Variants in RPS6KA2 observed in about 807,000 individuals in gnomAD.
The protein encoded by RPS6KA2 is ribosomal protein S6 kinase A2, also known as ribosomal protein S6 kinase alpha-2.
A neutral mutation model predicts 91.8 loss-of-function variants in RPS6KA2; 42 were observed. The observed-to-expected ratio is 0.46, with a 90% CI of 0.36 to 0.59. RPS6KA2 has a LOEUF of 0.59. Ranked by LOEUF, RPS6KA2 falls within the 20% of genes least tolerant of loss-of-function variation. The pLI is 0.00. For missense variants in RPS6KA2, 798 were observed against 978.5 expected, an observed-to-expected ratio of 0.82 and a Z score of 2.46; for synonymous variants, 414 against 393.6, an observed-to-expected ratio of 1.05 and a Z score of -0.61.
rs566380547 is a variant in RPS6KA2 at position 166,665,416 on chromosome 6, T to TGCA, written c.124-126635_124-126633dup. Among the ~76,000 whole-genome samples the TGCA allele has an allele frequency of 3.5e-3, 529 of 152,250 alleles. No individual in the cohort carries two copies. The highest frequency in any genetic ancestry group is 5.8e-3 in the South Asian group (28 of 4,826). ...TGTCACCCAAACCCAAAGAAGGGTTTGCAGCAGCAGCTGCACAAAGCTGCT... is the reference window on the plus strand; with the variant it reads ...TGTCACCCAAACCCAAAGAAGGGTTTGCAGCAGCAGCAGCTGCACAAAGCTGCT... On this transcript the variant is annotated intron_variant, in intron 2 of 21. Coordinates refer to the RPS6KA2 transcript ENST00000503859. This position sits in a 1 kb window ranked among gnomAD's most constrained non-coding sequence, Gnocchi z 4.5.
intron 10 of RPS6KA2, among the ~76,000 whole-genome samples, chr6:166,479,006 CT>C (rs2128468889): frequency 6.6e-6 from 1 of 152,350 alleles, no homozygotes; most frequent in East Asian, 1.9e-4. Flanking sequence ...CTTCACTTTG[CT>C]TCTGTGCCCT....
intron 2 of RPS6KA2, among the ~76,000 whole-genome samples, chr6:166,831,298 C>A (rs917174778): frequency 6.6e-6 from 1 of 152,144 alleles, no homozygotes. Flanking sequence ...ACCAGGGATC[C>A]CTTCTCAGAT....
intron 11 of RPS6KA2, among the ~76,000 whole-genome samples, chr6:166,465,616 C>T (rs75221338): frequency 0.023 from 3,543 of 152,328 alleles, 142 homozygotes; most frequent in African/African-American, 0.08. Flanking sequence ...GCCTACACAT[C>T]TTTGCTGGAA....
rs1430489807 is a variant in RPS6KA2 at position 166,770,207 on chromosome 6, G to A, written c.123+87993C>T. 6.6e-6 allele frequency among the ~76,000 whole-genome samples: 1 copy of A among 152,174 alleles called. No homozygotes were observed. Among genetic ancestry groups the A allele is most frequent in the Non-Finnish European group, 1.5e-5 (1 of 68,040 alleles). ...CCGACTTACTACATTTCACCTGAGTGTTGCAGCCCAAAGCATTGAAAACAG... is the reference window on the plus strand; with the variant it reads ...CCGACTTACTACATTTCACCTGAGTATTGCAGCCCAAAGCATTGAAAACAG... On this transcript the variant is annotated intron_variant, in intron 2 of 21. Transcript: ENST00000503859. The surrounding 1 kb of genome is among the most constrained non-coding windows in gnomAD (Gnocchi z 5.1).
intron 1 of RPS6KA2, among the ~76,000 whole-genome samples, chr6:166,583,896 A>T (rs1468613407): frequency 6.6e-6 from 1 of 152,236 alleles, no homozygotes; most frequent in Non-Finnish European, 1.5e-5. Context: ...AACACAGTCA[A>T]CACAGTTGCT....
chr6:166,844,231 G>T (rs1780555723), intron 2 of RPS6KA2, among the ~76,000 whole-genome samples: 1 of 152,022 alleles, frequency 6.6e-6, no homozygotes, highest in African/African-American at 2.4e-5. Context: ...AAAGAAAAAA[G>T]AATTTTAAAA....
At chr6:166,781,251 A>G (rs1197280458) in intron 2 of RPS6KA2, among the ~76,000 whole-genome samples, 2 of 152,264 alleles carry the variant, frequency 1.3e-5, no homozygotes, top group Non-Finnish European at 2.9e-5. Context: ...CAAAGGAACT[A>G]GGAACCGCAT....
At chr6:166,731,752 CG>C (rs1647083974) in intron 2 of RPS6KA2, among the ~76,000 whole-genome samples, 1 of 152,016 alleles carries the variant, frequency 6.6e-6, no homozygotes, top group Non-Finnish European at 1.5e-5. Flanking sequence ...TGTACACTTA[CG>C]CCCAAACCTG....
chr6:166,787,161 G>C (rs895020709), intron 2 of RPS6KA2, among the ~76,000 whole-genome samples: 1 of 152,096 alleles, frequency 6.6e-6, no homozygotes, highest in African/African-American at 2.4e-5. Flanking sequence ...TAACTTCTAG[G>C]AGTTTATCCA....
At chr6:166,486,314 T>G (rs1392840921) in intron 10 of RPS6KA2, among the ~76,000 whole-genome samples, 5 of 152,120 alleles carry the variant, frequency 3.3e-5, no homozygotes, top group Non-Finnish European at 5.9e-5. Context: ...TGCCCCTGTG[T>G]GTGCTGCAGC....
intron 8 of RPS6KA2, among the ~76,000 whole-genome samples, chr6:166,492,320 G>C (rs1296842785): frequency 5.9e-5 from 9 of 152,044 alleles, no homozygotes; most frequent in Admixed American, 5.9e-4. Flanking sequence ...AGCGGAAGGG[G>C]GTCCAGATGA....
In RPS6KA2 at chr6:166,586,657, T is replaced by C. The variant is rs551298783; in HGVS notation, c.99+40264A>G. On this transcript the variant is annotated intron_variant, in intron 1 of 20. Coordinates refer to ENST00000265678, the MANE Select transcript of RPS6KA2 (RefSeq NM_021135.6). ...ACTCCAGACCACTCCAGTTCTCCAA[T>C]GTAACCGAGCGCCTTCCTCTCCAAA... 2.7e-3 allele frequency among the ~76,000 whole-genome samples: 332 copies of C among 124,750 alleles called. 86 individuals carry two copies. Among genetic ancestry groups the C allele is most frequent in the African/African-American group, 0.02 (322 of 15,878 alleles). The allele number at this position is 124,750 out of a possible 152,430, so 81.8% of individuals were successfully genotyped here. A position where few individuals can be genotyped will look rare whatever the true frequency, so the allele number is the denominator to read the frequency against.
chr6:166,619,757 A>T (rs1459209587), intron 1 of RPS6KA2, among the ~76,000 whole-genome samples: 1 of 152,228 alleles, frequency 6.6e-6, no homozygotes. Flanking sequence ...CCTCAGAAAG[A>T]TTGTCCACAT....
In RPS6KA2 at chr6:166,648,981, G is replaced by A. The variant is rs956788177; in HGVS notation, c.124-110197C>T. Among the ~76,000 whole-genome samples the A allele has an allele frequency of 7.9e-5, 12 of 151,906 alleles. No individual in the cohort carries two copies. Among genetic ancestry groups the A allele is most frequent in the African/African-American group, 2.4e-4 (10 of 41,314 alleles). ...GCCCTACTAATGGGCTCCTTCCTTC[G>A]CCCCTCCTCCAGTCTAGTCAATATG... On this transcript the variant is annotated intron_variant, in intron 2 of 21. Transcript: ENST00000503859. This position sits in a 1 kb window ranked among gnomAD's most constrained non-coding sequence, Gnocchi z 4.8.
chr6:166,756,538 G>A lies in RPS6KA2; in HGVS notation c.123+101662C>T, dbSNP rs141135955. 4.8e-3 allele frequency among the ~76,000 whole-genome samples: 738 copies of A among 152,284 alleles called. 8 individuals are homozygous for A. Among genetic ancestry groups the A allele is most frequent in the African/African-American group, 0.017 (699 of 41,562 alleles). On this transcript the variant is annotated intron_variant, in intron 2 of 21. Coordinates refer to the RPS6KA2 transcript ENST00000503859. ...TACATATGATTATAAACACGTTTGGGTTAACTCACTTAAAAATGGGCAATC... is the reference window on the plus strand; with the variant it reads ...TACATATGATTATAAACACGTTTGGATTAACTCACTTAAAAATGGGCAATC...
chr6:166,562,367 A>G (rs1200771818), intron 1 of RPS6KA2, among the ~76,000 whole-genome samples: 1 of 152,148 alleles, frequency 6.6e-6, no homozygotes, highest in African/African-American at 2.4e-5. Context: ...TGTTAGTATC[A>G]CCCATGTATA....
intron 12 of RPS6KA2, among the ~76,000 whole-genome samples, chr6:166,454,151 A>G (rs1000170069): frequency 1.3e-5 from 2 of 152,186 alleles, no homozygotes; most frequent in Admixed American, 6.5e-5. Flanking sequence ...CCTCACCACT[A>G]TGTACTCTAC....
chr6:166,656,411 G>T (rs984358643), intron 2 of RPS6KA2, among the ~76,000 whole-genome samples: 1 of 152,126 alleles, frequency 6.6e-6, no homozygotes, highest in South Asian at 2.1e-4. Context: ...GTTGGGCGGG[G>T]GTGGAACTCG....
Position 166,635,038 on chromosome 6 carries a change from T to C in RPS6KA2, c.124-96254A>G, listed in dbSNP as rs1787189887. 6.6e-6 allele frequency among the ~76,000 whole-genome samples: 1 copy of C among 152,236 alleles called. No individual in the cohort carries two copies. ...AAATATGAGGAAAATGAGACCATAA[T>C]TTTTAAATTATAATAATTTTAAAAA... On this transcript the variant is annotated intron_variant, in intron 2 of 21. Transcript: ENST00000503859. The surrounding 1 kb of genome is among the most constrained non-coding windows in gnomAD (Gnocchi z 4.8).
Sources: allele counts gnomAD v4.1 joint callset (sites outside exome capture counted in the v4.1 genomes callset), GRCh38; gene constraint gnomAD v4.1.1; non-coding constraint Gnocchi (gnomAD v3.1); transcripts MANE v1.5; gene names NCBI Gene and HGNC (gene_info 2026-07-23, HGNC 2026-07-21).